Variants in EML1 observed in about 807,000 individuals in gnomAD.
EML1 encodes echinoderm microtubule-associated protein-like 1.
EML1 carries 27 observed loss-of-function variants against 110.4 expected under a neutral mutation model. The ratio of observed to expected loss-of-function variants is 0.24; its 90% confidence interval spans 0.18 to 0.34. The LOEUF is 0.34. Ranked by LOEUF, EML1 falls within the 10% of genes least tolerant of loss-of-function variation. The pLI is 1.00. For missense variants in EML1, 741 were observed against 1,030.9 expected (o/e 0.72, Z 3.85); for synonymous variants, 344 against 385.8 (o/e 0.89, Z 1.27).
At chr14:99,805,533 G>T (rs764027792) in intron 1 of EML1, among the ~76,000 whole-genome samples, 3 of 152,114 alleles carry the variant, frequency 2.0e-5, no homozygotes, top group Non-Finnish European at 4.4e-5. Context: ...GGAGCGCAGT[G>T]ATATGAGCTG....
chr14:99,746,050 C>T (rs1356233817), intron 1 of EML1, among the ~76,000 whole-genome samples: 9 of 152,188 alleles, frequency 5.9e-5, no homozygotes, highest in Admixed American at 2.6e-4. Context: ...TGAAAAATGG[C>T]GGCTCCCCCT....
chr14:99,865,182 G>A (rs1457081684), intron 2 of EML1, among the ~76,000 whole-genome samples: 2 of 152,192 alleles, frequency 1.3e-5, no homozygotes, highest in Non-Finnish European at 2.9e-5. Context: ...CAACCAGATA[G>A]TCCCATCTAG....
chr14:99,896,161 A>G (rs1180576886), intron 6 of EML1, among the ~76,000 whole-genome samples: 4 of 150,982 alleles, frequency 2.6e-5, no homozygotes, highest in South Asian at 2.1e-4. Flanking sequence ...ATTTTAAGGG[A>G]AAAAAAAAAT....
intron 5 of EML1, among the ~76,000 whole-genome samples, chr14:99,893,572 A>G (rs1048549022): frequency 5.9e-5 from 9 of 152,220 alleles, no homozygotes; most frequent in African/African-American, 2.2e-4. Flanking sequence ...TTTTTAAGTA[A>G]TACTGCATGT....
At chr14:99,932,329 T>G (rs1446415413) in intron 17 of EML1, among the ~76,000 whole-genome samples, 1 of 152,134 alleles carries the variant, frequency 6.6e-6, no homozygotes, top group Non-Finnish European at 1.5e-5. Context: ...AAGTCCTGTT[T>G]CATTCATCTT....
chr14:99,940,073 C>A lies in EML1; in HGVS notation c.2409C>A (p.Gly803=), dbSNP rs768857775. ...AAGACAGCCACCTCATCTCCACGGG[C>A]GGGAAAGACACAAGCATCATGCAGT... ...LCEDSHLIST[G]GKDTSIMQWR... Residue 803 remains glycine, a synonymous_variant, in exon 22 of 22, where the codon GGC becomes GGA. Transcript: ENST00000262233. The A allele has an allele frequency of 6.2e-7, 1 of 1,601,524 alleles. No homozygotes were observed. The highest frequency in any genetic ancestry group is 8.5e-7 in the Non-Finnish European group (1 of 1,174,522).
At chr14:99,742,936 T>C (rs1449850232) in intron 1 of EML1, among the ~76,000 whole-genome samples, 1 of 152,176 alleles carries the variant, frequency 6.6e-6, no homozygotes, top group African/African-American at 2.4e-5. Context: ...ACCGCAAGTG[T>C]GCCGGGCACC....
intron 4 of EML1, among the ~76,000 whole-genome samples, chr14:99,879,670 C>A (rs866630480): frequency 6.6e-6 from 1 of 152,194 alleles, no homozygotes; most frequent in African/African-American, 2.4e-5. Context: ...ATTTAAAAAA[C>A]CATTAACATG....
chr14:99,821,853 T>C (rs1444513360), intron 1 of EML1, among the ~76,000 whole-genome samples: 1 of 152,220 alleles, frequency 6.6e-6, no homozygotes, highest in African/African-American at 2.4e-5. Flanking sequence ...GGTTTTATAA[T>C]GTACTTCTGT....
intron 1 of EML1, among the ~76,000 whole-genome samples, chr14:99,832,907 T>C (rs976323823): frequency 4.6e-5 from 7 of 152,182 alleles, no homozygotes; most frequent in Non-Finnish European, 1.0e-4. Flanking sequence ...AATTTCAACT[T>C]TTATTTTAGA....
intron 1 of EML1, among the ~76,000 whole-genome samples, chr14:99,746,380 G>A (rs968421606): frequency 2.0e-5 from 3 of 152,168 alleles, no homozygotes; most frequent in Admixed American, 6.5e-5. Context: ...CGGGAGGAGG[G>A]AGAGGTCTCA....
At chr14:99,809,540 G>A (rs1270154324) in intron 1 of EML1, 2 of 424,006 alleles carry the variant, frequency 4.7e-6, no homozygotes, top group East Asian at 7.1e-5. Flanking sequence ...TGGGAACCTC[G>A]GCCGTGCACT....
intron 2 of EML1, among the ~76,000 whole-genome samples, chr14:99,854,093 G>T (rs920389422): frequency 6.6e-6 from 1 of 152,162 alleles, no homozygotes; most frequent in Non-Finnish European, 1.5e-5. Flanking sequence ...AATGCTGGGC[G>T]TGGCTGTGCC....
At chr14:99,906,765 C>A (rs983000868) in intron 9 of EML1, 5 of 152,434 alleles carry the variant, frequency 3.3e-5, no homozygotes, top group African/African-American at 1.2e-4. Context: ...GGCTGGCGGG[C>A]AGCCTGGCTG....
chr14:99,836,641 G>A (rs896556156), intron 1 of EML1, among the ~76,000 whole-genome samples: 5 of 152,108 alleles, frequency 3.3e-5, no homozygotes, highest in African/African-American at 1.2e-4. Context: ...TTGCTTGGTT[G>A]ATTCTTTTAT....
chr14:99,809,255 T>C (rs1241227391), intron 1 of EML1, among the ~76,000 whole-genome samples: 1 of 152,256 alleles, frequency 6.6e-6, no homozygotes, highest in African/African-American at 2.4e-5. Flanking sequence ...TCAATTCCCC[T>C]ATCTGCTTAA....
intron 1 of EML1, among the ~76,000 whole-genome samples, chr14:99,760,666 A>G (rs1323372956): frequency 6.6e-6 from 1 of 152,210 alleles, no homozygotes; most frequent in African/African-American, 2.4e-5. Flanking sequence ...TTTCTCCCTG[A>G]AAGGGCTTTG....
intron 1 of EML1, among the ~76,000 whole-genome samples, chr14:99,846,513 C>T (rs2058710853): frequency 6.6e-6 from 1 of 152,028 alleles, no homozygotes; most frequent in African/African-American, 2.4e-5. Context: ...AAACTCCTGA[C>T]CTCAGGTGAT....
rs201968910 is a variant in EML1, at chr14:99,796,934, T to TGA, written c.67+3392_67+3393insAG. Among the ~76,000 whole-genome samples, 601 of 125,854 alleles carry TGA rather than the reference T, an allele frequency of 4.8e-3. 4 individuals carry two copies. Among genetic ancestry groups the TGA allele is most frequent in the Non-Finnish European group, 8.7e-3 (493 of 56,386 alleles). 82.6% of individuals were successfully genotyped at this position (125,854 alleles called of 152,430 possible). ...ATGTGTGTGTGTGTGTGTGTGTGTG[T>TGA]GTGAGAGAGTAATAGCTTTATTGAA... On this transcript the variant is annotated intron_variant, in intron 1 of 21. Transcript: ENST00000262233.
Sources: allele counts gnomAD v4.1 joint callset (sites outside exome capture counted in the v4.1 genomes callset), GRCh38; gene constraint gnomAD v4.1.1; transcripts MANE v1.5; gene names NCBI Gene and HGNC (gene_info 2026-07-23, HGNC 2026-07-21).